COL6A5: variants seen among roughly 807,000 people sequenced by gnomAD.
COL6A5 encodes the protein collagen alpha-5(VI) chain.
COL6A5 carries 48 observed loss-of-function variants against 65.6 expected under a neutral mutation model. The ratio of observed to expected loss-of-function variants is 0.73; its 90% confidence interval spans 0.58 to 0.93. The LOEUF is 0.93. COL6A5 is among the 40% of genes least tolerant of loss of function. COL6A5 has a pLI of 0.00. For missense variants in COL6A5, 914 were observed against 928.3 expected (o/e 0.98, Z 0.20); for synonymous variants, 291 against 322.8 (o/e 0.90, Z 1.05).
At chr3:130,453,573 TATAA>T (rs1709499291) in intron 4 of COL6A5, among the ~76,000 whole-genome samples, 1 of 152,174 alleles carries the variant, frequency 6.6e-6, no homozygotes, top group Non-Finnish European at 1.5e-5. Flanking sequence ...TAATTGCACA[TATAA>T]ATAGTGTTCC....
Position 130,418,829 on chromosome 3 carries a change from G to T in COL6A5, c.4888-40G>T, listed in dbSNP as rs1034539095. On this transcript the variant is annotated intron_variant and NMD_transcript_variant, in intron 24 of 41. Coordinates refer to the COL6A5 transcript ENST00000312481. ...ACTTACCGTGGTAGGAACCAGGTTT[G>T]ATTTTACTGATCTGAAGCTCTTCTT... 3 of 1,508,320 alleles carry T rather than the reference G, an allele frequency of 2.0e-6. No individual in the cohort carries two copies. The Admixed American group carries it at 5.9e-5, about 30-fold the overall frequency. The allele number at this position is 1,508,320 out of a possible 1,614,324, so 93.4% of individuals were successfully genotyped here. A position where few individuals can be genotyped will look rare whatever the true frequency, so the allele number is the denominator to read the frequency against.
exon 13 of COL6A5, chr3:130,403,615 C>T (rs1397100031): frequency 2.6e-6 from 4 of 1,550,952 alleles, no homozygotes; most frequent in Non-Finnish European, 2.6e-6. Context: ...CCAGGGTTCT[C>T]AAGGTCTGAA....
intron 7 of COL6A5, among the ~76,000 whole-genome samples, chr3:130,478,190 T>C (rs1326387789): frequency 6.6e-6 from 1 of 152,098 alleles, no homozygotes; most frequent in East Asian, 1.9e-4. Context: ...TTCAAACAGC[T>C]CTTAGCATAG....
intron 5 of COL6A5, among the ~76,000 whole-genome samples, chr3:130,464,252 C>G (rs1438744501): frequency 2.0e-5 from 3 of 151,948 alleles, no homozygotes; most frequent in Non-Finnish European, 4.4e-5. Context: ...CTGCATAAGC[C>G]TCTCAATAGT....
At chr3:130,403,480 C>CA in intron 12 of COL6A5, 129 bp from the exon 13 acceptor site, 1 of 711,942 alleles carries the variant, frequency 1.4e-6, no homozygotes, top group Non-Finnish European at 2.4e-6. Context: ...TCCCCAAACT[C>CA]ACGGCCACAT....
At chr3:130,472,390 A>G (rs1290754381) in intron 7 of COL6A5, among the ~76,000 whole-genome samples, 1 of 151,974 alleles carries the variant, frequency 6.6e-6, no homozygotes. Context: ...CAAGGCCACC[A>G]TGGTTCTGAG....
chr3:130,427,347 A>G (rs951773349), upstream of COL6A5, among the ~76,000 whole-genome samples: 6 of 152,126 alleles, frequency 3.9e-5, no homozygotes, highest in Non-Finnish European at 5.9e-5. Flanking sequence ...GAAGAATGTA[A>G]AAGGGGAAAA....
intron 2 of COL6A5, 76 bp downstream of exon 34, chr3:130,439,691 T>G (rs1012291227): frequency 1.0e-6 from 1 of 970,150 alleles, no homozygotes; most frequent in Admixed American, 2.8e-5. Flanking sequence ...TGTGGTTTTA[T>G]CCAGAGATTT....
At chr3:130,370,457 G>C (rs1013509080) in intron 1 of COL6A5, among the ~76,000 whole-genome samples, 3 of 152,098 alleles carry the variant, frequency 2.0e-5, no homozygotes, top group Non-Finnish European at 4.4e-5. Context: ...TTATAGCACT[G>C]GTCATTTTCT....
rs1399546747 is a variant in COL6A5, at chr3:130,410,343, G to T, written c.4609-128G>T. ...TGAAAGGGCATATAACTGTTAATAT[G>T]CAGAATGATCACAGCATGACATGTT... On this transcript the variant is annotated intron_variant and NMD_transcript_variant, in intron 19 of 41. Coordinates refer to the COL6A5 transcript ENST00000312481. 5.6e-6 allele frequency: 4 copies of T among 711,188 alleles called. No homozygotes were observed. In the African/African-American group the frequency reaches 7.2e-5, roughly 13 times the overall value. 44.1% of individuals were successfully genotyped at this position (711,188 alleles called of 1,614,324 possible). A position where few individuals can be genotyped will look rare whatever the true frequency, so the allele number is the denominator to read the frequency against.
intron 1 of COL6A5, among the ~76,000 whole-genome samples, chr3:130,369,161 G>A (rs1441173205): frequency 1.3e-5 from 2 of 152,288 alleles, no homozygotes; most frequent in Non-Finnish European, 2.9e-5. Flanking sequence ...ATAGTGTAGA[G>A]GACAGAGGGG....
exon 6 of COL6A5, chr3:130,469,014 C>T (rs1449425069): frequency 6.2e-7 from 1 of 1,612,864 alleles, no homozygotes; most frequent in Non-Finnish European, 8.5e-7. Context: ...GACAGGGTTG[C>T]TGTCCTGAGC....
At chr3:130,453,008 C>G (rs1709481602) in intron 4 of COL6A5, among the ~76,000 whole-genome samples, 1 of 152,186 alleles carries the variant, frequency 6.6e-6, no homozygotes, top group Non-Finnish European at 1.5e-5. Context: ...AAGGTTACCT[C>G]TCTTGTTCCC....
chr3:130,406,663 C>T lies in COL6A5; in HGVS notation c.4479+342C>T, dbSNP rs369236146. Among the ~76,000 whole-genome samples, 21 of 151,198 alleles carry T rather than the reference C, an allele frequency of 1.4e-4. No individual in the cohort carries two copies. In the East Asian group the frequency reaches 3.7e-3, roughly 27 times the overall value. On this transcript the variant is annotated intron_variant and NMD_transcript_variant, in intron 17 of 41. Coordinates refer to the COL6A5 transcript ENST00000312481. ...TCAATGTCAGTAATTTCTGTGTTGT[C>T]TTTATTATGTCAGAAAAAAAAAAGC...
At position 130,388,816 on chromosome 3, in the gene COL6A5, C is replaced by G. The variant is rs781332330; in HGVS notation, c.2098C>G (p.Leu700Val). The G allele has an allele frequency of 4.5e-6, 7 of 1,551,374 alleles. No individual in the cohort carries two copies. The South Asian group carries it at 8.3e-5, about 18-fold the overall frequency. Reference sequence around the variant, plus strand: ...TTCTGATGCAATAGATAGAATGTCTCTCATCAATGAAGGCACTTTAACTGG... The same window carrying G: ...TTCTGATGCAATAGATAGAATGTCTGTCATCAATGAAGGCACTTTAACTGG... Residue 700 changes from leucine to valine, a missense_variant and NMD_transcript_variant, in exon 6 of 42, where the codon CTC becomes GTC. Physicochemically the swap from Leu to Val is conservative, Grantham distance 32. Transcript: ENST00000312481.
Position 130,463,352 on chromosome 3 carries a change from TG to T in COL6A5, c.1545-5442del, listed in dbSNP as rs568521085. ...TCAAAGCAGGCCACTGGATAACTCATGCATATCTTGAGATTTCCCACAAATG... is the reference window on the plus strand; with the variant it reads ...TCAAAGCAGGCCACTGGATAACTCATCATATCTTGAGATTTCCCACAAATG... On this transcript the variant is annotated intron_variant, in intron 5 of 7. Coordinates refer to ENST00000512836, the Ensembl canonical transcript of COL6A5. Among the ~76,000 whole-genome samples, 20 of 152,154 alleles carry T rather than the reference TG, an allele frequency of 1.3e-4. No homozygotes were observed. In the East Asian group the frequency reaches 3.7e-3, roughly 28 times the overall value.
chr3:130,444,946 G>A (rs763210470), intron 4 of COL6A5, among the ~76,000 whole-genome samples: 35 of 152,198 alleles, frequency 2.3e-4, no homozygotes, highest in African/African-American at 7.2e-4. Context: ...ACAGAAATCC[G>A]AAGTATTCCA....
chr3:130,381,431 T>A (rs568140760), intron 4 of COL6A5, among the ~76,000 whole-genome samples: 1 of 152,242 alleles, frequency 6.6e-6, no homozygotes, highest in South Asian at 2.1e-4. Context: ...CAATGTTTTG[T>A]TTTTATAAAA....
chr3:130,467,727 A>G (rs903109034), intron 5 of COL6A5, among the ~76,000 whole-genome samples: 1 of 152,070 alleles, frequency 6.6e-6, no homozygotes, highest in African/African-American at 2.4e-5. Flanking sequence ...TTTTATTTCT[A>G]TATTAGGCTT....
Sources: gnomAD v4.1 joint callset for allele counts (sites outside exome capture counted in the v4.1 genomes callset) on GRCh38, gnomAD v4.1.1 for gene constraint, MANE v1.5 for transcripts, NCBI Gene and HGNC (gene_info 2026-07-23, HGNC 2026-07-21) for gene names.